NEK1: variants seen among roughly 807,000 people sequenced by gnomAD.
NEK1 encodes the protein NIMA related kinase 1.
NEK1 carries 137 observed loss-of-function variants against 182.1 expected under a neutral mutation model. The ratio of observed to expected loss-of-function variants is 0.75; its 90% confidence interval spans 0.65 to 0.87. The LOEUF (loss-of-function observed/expected upper bound fraction) is 0.87. Ranked by LOEUF, NEK1 falls within the 40% of genes least tolerant of loss-of-function variation. The pLI is 0.00. For missense variants in NEK1, 1,391 were observed against 1,494.4 expected (o/e 0.93, Z 1.14); for synonymous variants, 513 against 492.2 (o/e 1.04, Z -0.56).
intron 27 of NEK1, among the ~76,000 whole-genome samples, chr4:169,448,811 G>A (rs1741092125): frequency 6.6e-6 from 1 of 152,248 alleles, no homozygotes; most frequent in Non-Finnish European, 1.5e-5. Context: ...TGGTTGGACA[G>A]TGGGTGCAGC....
chr4:169,479,453 G>A lies in NEK1; in HGVS notation c.2089C>T (p.Gln697Ter), dbSNP rs2149558070. The change falls in exon 24 of 36, where the codon CAG becomes TAG. Residue 697 changes from glutamine to a stop codon, truncating the protein, a stop_gained. Transcript: ENST00000507142. LOFTEE classifies it high-confidence loss of function. Reference protein sequence around the residue: ...HETGGSPSKQQMRSVISVTSA... With the variant: ...HETGGSPSKQ ...GTTACAGAAATAACAGATCTCATCT[G>A]TTGCTTTGATGGAGAGCCACCTGTT... 7.4e-6 allele frequency: 12 copies of A among 1,612,236 alleles called. No homozygotes were observed. The highest frequency in any genetic ancestry group is 1.0e-5 in the Non-Finnish European group (12 of 1,179,142).
chr4:169,419,696 C>T (rs1286148892), intron 31 of NEK1, among the ~76,000 whole-genome samples: 2 of 152,088 alleles, frequency 1.3e-5, no homozygotes, highest in African/African-American at 4.8e-5. Context: ...GTGTGAACAT[C>T]ATAGAGTGTA....
At chr4:169,467,291 C>T (rs978781277) in intron 26 of NEK1, among the ~76,000 whole-genome samples, 6 of 151,948 alleles carry the variant, frequency 3.9e-5, no homozygotes, top group Non-Finnish European at 7.4e-5. Context: ...TTTGACTACA[C>T]GGGGGATTCA....
At chr4:169,419,615 T>C (rs745368642) in intron 31 of NEK1, among the ~76,000 whole-genome samples, 1 of 152,198 alleles carries the variant, frequency 6.6e-6, no homozygotes, top group Non-Finnish European at 1.5e-5. Context: ...AGGACGGGAA[T>C]GGAAGTACAG....
At position 169,477,488 on chromosome 4, in the gene NEK1, AACT is replaced by A. The variant is rs768435809; in HGVS notation, c.2146_2148del (p.Ser716del). Reference sequence around the variant, plus strand: ...TCTGAAGTTTCCCGGGTATCAGTTAAACTACTGTCCTTTAAATGCAGATAGATA... The same window carrying A: ...TCTGAAGTTTCCCGGGTATCAGTTAAACTGTCCTTTAAATGCAGATAGATA... On this transcript the variant is annotated inframe_deletion, in exon 25 of 36. Coordinates refer to ENST00000507142, the MANE Select transcript of NEK1 (RefSeq NM_001199397.3). The A allele has an allele frequency of 6.2e-7, 1 of 1,605,340 alleles. No homozygotes were observed. The highest frequency in any genetic ancestry group is 1.1e-5 in the South Asian group (1 of 89,280).
chr4:169,394,562 A>G lies in NEK1; in HGVS notation c.3848-39T>C. 2.3e-6 allele frequency: 3 copies of G among 1,284,160 alleles called. No individual in the cohort carries two copies. In the East Asian group the frequency reaches 7.4e-5, roughly 32 times the overall value. 79.5% of individuals were successfully genotyped at this position (1,284,160 alleles called of 1,614,324 possible). On this transcript the variant is annotated intron_variant, in intron 35 of 35. Transcript: ENST00000507142. ...AAAAAAATTGACTTCATTTCAAATCAAGCTGTATCTACTTTAAAAAAAACC... is the reference window on the plus strand; with the variant it reads ...AAAAAAATTGACTTCATTTCAAATCGAGCTGTATCTACTTTAAAAAAAACC...
chr4:169,400,572 C>T lies in NEK1; in HGVS notation c.3663G>A (p.Leu1221=), dbSNP rs1184606817. Reference sequence around the variant, plus strand: ...ATTTTTCAAAGCCCATTTCCTGCTCCAGATGAAGTCTCAGTTCCTCTAAAT... The same window carrying T: ...ATTTTTCAAAGCCCATTTCCTGCTCTAGATGAAGTCTCAGTTCCTCTAAAT... ...FNHLEELRLH[L]EQEMGFEKFF... The change falls in exon 34 of 36, where the codon CTG becomes CTA. Residue 1221 remains leucine (L), a synonymous_variant. Coordinates refer to ENST00000507142, the MANE Select transcript of NEK1 (RefSeq NM_001199397.3). The T allele has an allele frequency of 6.2e-7, 1 of 1,609,206 alleles. No individual in the cohort carries two copies. The highest frequency in any genetic ancestry group is 8.5e-7 in the Non-Finnish European group (1 of 1,177,982).
chr4:169,521,131 TCA>T (rs1473484460), intron 19 of NEK1, among the ~76,000 whole-genome samples: 1 of 64,154 alleles, frequency 1.6e-5, no homozygotes, highest in Non-Finnish European at 3.1e-5. Context: ...CAGTTTGATC[TCA>T]GACTGCTGTG....
At chr4:169,433,355 C>T (rs1421815661) in intron 29 of NEK1, among the ~76,000 whole-genome samples, 190 bp downstream of exon 29, 5 of 152,128 alleles carry the variant, frequency 3.3e-5, no homozygotes, top group African/African-American at 9.7e-5. Flanking sequence ...CCACTGTGCC[C>T]GGCCTCTTCA....
At chr4:169,510,547 G>T (rs1457585540) in intron 19 of NEK1, among the ~76,000 whole-genome samples, 1 of 152,034 alleles carries the variant, frequency 6.6e-6, no homozygotes, top group Non-Finnish European at 1.5e-5. Flanking sequence ...ATTGCTAAAT[G>T]AGTTTCCCAA....
intron 27 of NEK1, among the ~76,000 whole-genome samples, chr4:169,443,831 G>A (rs993002822): frequency 1.3e-4 from 20 of 152,116 alleles, no homozygotes; most frequent in African/African-American, 4.8e-4. Context: ...GGCTTTCTCA[G>A]CAGAAAACTT....
At position 169,507,785 on chromosome 4, in the gene NEK1, G is replaced by T. The variant is rs1329161362; in HGVS notation, c.1841C>A (p.Ala614Asp). ...TCCTTCTTGTCCTTCAGAATGATTA[G>T]CTTCTTTCTACAAAATAAGTAGATA... ...KAKLRGEKKEANHSEGQEGSE... is the reference protein window; with the variant it reads ...KAKLRGEKKEDNHSEGQEGSE... Residue 614 changes from alanine (A) to aspartate (D), a missense_variant, in exon 22 of 36, where the codon GCT becomes GAT. Transcript: ENST00000507142. 2 of 1,611,852 alleles carry T rather than the reference G, an allele frequency of 1.2e-6. No individual in the cohort carries two copies. Among genetic ancestry groups the T allele is most frequent in the Non-Finnish European group, 1.7e-6 (2 of 1,178,620 alleles).
chr4:169,589,082 T>C (rs759930463), intron 7 of NEK1, among the ~76,000 whole-genome samples: 3 of 152,170 alleles, frequency 2.0e-5, no homozygotes, highest in Non-Finnish European at 4.4e-5. Flanking sequence ...TAAAGGTATA[T>C]CATGTTTTAT....
At chr4:169,591,711 T>C (rs1003394664) in intron 5 of NEK1, among the ~76,000 whole-genome samples, 1 of 152,146 alleles carries the variant, frequency 6.6e-6, no homozygotes, top group African/African-American at 2.4e-5. Flanking sequence ...CATAGGTTAA[T>C]TATCTGTAAT....
At chr4:169,497,995 G>A (rs1327486063) in intron 23 of NEK1, among the ~76,000 whole-genome samples, 4 of 152,150 alleles carry the variant, frequency 2.6e-5, no homozygotes, top group African/African-American at 9.7e-5. Flanking sequence ...GTCTAACGTT[G>A]ACAATGGGGT....
chr4:169,442,069 C>T (rs1739567324), intron 27 of NEK1, among the ~76,000 whole-genome samples: 1 of 152,138 alleles, frequency 6.6e-6, no homozygotes, highest in South Asian at 2.1e-4. Flanking sequence ...TGATGATGGA[C>T]CCAGGGACTA....
At chr4:169,505,540 A>G (rs1753104674) in intron 23 of NEK1, among the ~76,000 whole-genome samples, 1 of 152,244 alleles carries the variant, frequency 6.6e-6, no homozygotes, top group African/African-American at 2.4e-5. Flanking sequence ...CAACAGTAGG[A>G]TATCAGTAGT....
At chr4:169,446,986 G>T (rs971748667) in intron 27 of NEK1, among the ~76,000 whole-genome samples, 7 of 144,870 alleles carry the variant, frequency 4.8e-5, no homozygotes, top group Admixed American at 4.0e-4. Flanking sequence ...GTGATTCGTT[G>T]TAACGAGGAA....
At position 169,477,174 on chromosome 4, in the gene NEK1, A is replaced by C; in HGVS notation, c.2384T>G (p.Val795Gly). Residue 795 changes from valine to glycine, a missense_variant, in exon 26 of 36, where the codon GTG becomes GGG. Around this residue, in one of 5 missense-constraint regions of NEK1, gnomAD observed 1,216 missense variants for 1,277.6 expected, o/e 0.95. Transcript: ENST00000507142. The part of the protein sequence containing the change: ...RKKWEAGGQL[V>G]IPLDELTLDT... ...TAGTGTTAACTCATCCAGAGGAATC[A>C]CAAGTTGACCTCCTGCCTCCCACTT... 1 of 1,608,674 alleles carries C rather than the reference A, an allele frequency of 6.2e-7. No homozygotes were observed. Among genetic ancestry groups the C allele is most frequent in the African/African-American group, 1.3e-5 (1 of 74,936 alleles).
Sources: gnomAD v4.1 joint callset for allele counts (sites outside exome capture counted in the v4.1 genomes callset) on GRCh38, gnomAD v4.1.1 for gene constraint, gnomAD v4.1.1 regional missense constraint, MANE v1.5 for transcripts, NCBI Gene and HGNC (gene_info 2026-07-23, HGNC 2026-07-21) for gene names.